GIPC1: variants seen among roughly 807,000 people sequenced by gnomAD.
GIPC1 encodes GIPC PDZ domain containing family member 1.
A neutral mutation model predicts 28.5 loss-of-function variants in GIPC1; 15 were observed. That is an observed-to-expected ratio of 0.53 (90% CI 0.35 to 0.81). GIPC1 has a LOEUF of 0.81. GIPC1 is among the 30% of genes least tolerant of loss of function. The probability of loss-of-function intolerance (pLI) is 0.01; values close to 1 mark genes in which losing one functional copy is unlikely to be tolerated. For missense variants in GIPC1, 439 were observed against 481.9 expected (o/e 0.91, Z 0.83); for synonymous variants, 224 against 206.1 (o/e 1.09, Z -0.74).
Position 14,482,843 on chromosome 19 carries a change from AT to A in GIPC1, c.133del (p.Met45TrpfsTer53). On this transcript the variant is annotated frameshift_variant, in exon 4 of 9. Transcript: ENST00000393033. LOFTEE classifies it high-confidence loss of function. Reference protein sequence around the residue: ...LGGGGSGGPQMGLPPPPPALR... With the variant: ...LGGGGSGGPQXGLPPPPPALR... The stretch of plus-strand genomic sequence containing the variant: ...GGCTGGGGGAGGGGGGGGCAAGCCC[AT>A]TTGGGGGCCCCCCGACCCACCTCCG... 1 of 1,574,488 alleles carries A rather than the reference AT, an allele frequency of 6.4e-7. No homozygotes were observed.
In GIPC1 at chr19:14,479,457, C is replaced by T. The variant is rs748705149; in HGVS notation, c.723G>A (p.Gly241=). 40 of 1,435,012 alleles carry T rather than the reference C, an allele frequency of 2.8e-5. No individual in the cohort carries two copies. The highest frequency in any genetic ancestry group is 3.4e-5 in the Non-Finnish European group (37 of 1,095,712). The allele number at this position is 1,435,012 out of a possible 1,614,324, so 88.9% of individuals were successfully genotyped here. A position where few individuals can be genotyped will look rare whatever the true frequency, so the allele number is the denominator to read the frequency against. ...GSGPQLGTGR[G]TLRLRSRGPA... Reference sequence around the variant, plus strand: ...GGCCCCGGGATCGGAGCCGCAGGGTCCCTCGGCCAGTGCCCAGTTGTGGGC... The same window carrying T: ...GGCCCCGGGATCGGAGCCGCAGGGTTCCTCGGCCAGTGCCCAGTTGTGGGC... Residue 241 remains glycine (G), a synonymous_variant, in exon 7 of 9, where the codon GGG becomes GGA. Transcript: ENST00000393033.
Position 14,478,892 on chromosome 19 carries a change from G to A in GIPC1, c.769-127C>T. The A allele has an allele frequency of 1.3e-6, 1 of 767,670 alleles. No homozygotes were observed. Among genetic ancestry groups the A allele is most frequent in the South Asian group, 1.6e-5 (1 of 63,908 alleles). 47.6% of individuals were successfully genotyped at this position (767,670 alleles called of 1,614,324 possible). A position where few individuals can be genotyped will look rare whatever the true frequency, so the allele number is the denominator to read the frequency against. On this transcript the variant is annotated intron_variant, in intron 7 of 8. Coordinates refer to ENST00000393033, the MANE Select transcript of GIPC1 (RefSeq NM_005716.4). The surrounding 1 kb of genome is among the most constrained non-coding windows in gnomAD (Gnocchi z 5.2). The stretch of plus-strand genomic sequence containing the variant: ...GACCTCAGGACAACCCTGAGAAGGT[G>A]GTATCGGTGTTCAGCTCATCCCCAT...
chr19:14,493,451 C>A (rs1162663483), intron 1 of GIPC1, among the ~76,000 whole-genome samples: 2 of 151,612 alleles, frequency 1.3e-5, no homozygotes, highest in Non-Finnish European at 2.9e-5. Flanking sequence ...TGGCCTTGCC[C>A]ATCTCTCTCT....
chr19:14,488,775 C>CAA (rs931925798), intron 3 of GIPC1, among the ~76,000 whole-genome samples: 7 of 82,408 alleles, frequency 8.5e-5, no homozygotes, highest in Admixed American at 2.6e-4. Context: ...TCGGTCTAAA[C>CAA]AAAAAAAAAA....
Position 14,479,427 on chromosome 19 carries a change from G to C in GIPC1, c.753C>G (p.Ala251=). The part of the protein sequence containing the change: ...GTLRLRSRGP[A]TVEDLPSAFE... ...GAGCACTCACCAGATCCTCCACCGT[G>C]GCGGGGCCCCGGGATCGGAGCCGCA... Residue 251 remains alanine, a synonymous_variant, in exon 7 of 9, where the codon GCC becomes GCG. Coordinates refer to ENST00000393033, the MANE Select transcript of GIPC1 (RefSeq NM_005716.4). 1 of 1,411,350 alleles carries C rather than the reference G, an allele frequency of 7.1e-7. No individual in the cohort carries two copies. Among genetic ancestry groups the C allele is most frequent in the Admixed American group, 3.2e-5 (1 of 31,110 alleles). The allele number at this position is 1,411,350 out of a possible 1,614,324, so 87.4% of individuals were successfully genotyped here.
intron 2 of GIPC1, among the ~76,000 whole-genome samples, chr19:14,492,429 C>CCCG (rs2071993101): frequency 6.7e-6 from 1 of 148,638 alleles, no homozygotes; most frequent in African/African-American, 2.4e-5. Flanking sequence ...GCCTCAGCCT[C>CCCG]CCGAGTAGCT....
chr19:14,480,139 C>T (rs769342588), intron 6 of GIPC1, 166 bp downstream of exon 6: 59 of 632,688 alleles, frequency 9.3e-5, no homozygotes, highest in Non-Finnish European at 1.5e-4. Context: ...GGGCCAAGGG[C>T]CAGCACCCCG....
rs1300117748 is a variant in GIPC1, at chr19:14,485,702, T to TATATATAGAGAGAGAGAGAGAG, written c.-30-2697_-30-2696insCTCTCTCTCTCTCTCTATATAT. Among the ~76,000 whole-genome samples the TATATATAGAGAGAGAGAGAGAG allele has an allele frequency of 5.1e-5, 3 of 58,792 alleles. No individual in the cohort carries two copies. In the Admixed American group the frequency reaches 6.6e-4, roughly 13 times the overall value. The allele number at this position is 58,792 out of a possible 152,430, so 38.6% of individuals were successfully genotyped here. On this transcript the variant is annotated intron_variant, in intron 3 of 8. Transcript: ENST00000393033. ...ATAAACAAATATATATATATATATA[T>TATATATAGAGAGAGAGAGAGAG]AGAGAGAGAGAGAGAGAGAGAGAGA...
rs767910141 is a variant in GIPC1, at chr19:14,480,494, G to A, written c.475-9C>T. On this transcript the variant is annotated splice_polypyrimidine_tract_variant and intron_variant, in intron 5 of 8. Coordinates refer to ENST00000393033, the MANE Select transcript of GIPC1 (RefSeq NM_005716.4). ...CTGCCCTCCTTGATGCGCTGCGGGG[G>A]CGGGGAGTCATCAGCCCTTGGGGCT... The A allele has an allele frequency of 4.4e-6, 7 of 1,608,306 alleles. No individual in the cohort carries two copies. Among genetic ancestry groups the A allele is most frequent in the Non-Finnish European group, 6.0e-6 (7 of 1,176,034 alleles).
intron 3 of GIPC1, among the ~76,000 whole-genome samples, chr19:14,486,601 T>C (rs2071849178): frequency 6.6e-6 from 1 of 152,128 alleles, no homozygotes; most frequent in Admixed American, 6.6e-5. Flanking sequence ...GCAATGGAAG[T>C]GTAGCAGGAA....
intron 3 of GIPC1, among the ~76,000 whole-genome samples, chr19:14,485,702 T>TATAGAGAGAGAGAGAGAG (rs1300117748): frequency 1.7e-5 from 1 of 58,790 alleles, no homozygotes; most frequent in Non-Finnish European, 3.7e-5. Context: ...TATATATATA[T>TATAGAGAGAGAGAGAGAG]AGAGAGAGAG....
chr19:14,482,385 G>A, intron 4 of GIPC1: 1 of 509,436 alleles, frequency 2.0e-6, no homozygotes, highest in East Asian at 3.7e-5. Flanking sequence ...TGCCTGATGG[G>A]ATGTCAGCAT....
chr19:14,495,544 TAG>T (rs1417206620), intron 1 of GIPC1, among the ~76,000 whole-genome samples: 1 of 152,122 alleles, frequency 6.6e-6, no homozygotes, highest in Non-Finnish European at 1.5e-5. Flanking sequence ...ATGAGGTGTT[TAG>T]AGTCAATTAT....
intron 3 of GIPC1, among the ~76,000 whole-genome samples, chr19:14,483,793 T>C (rs377340494): frequency 1.4e-5 from 2 of 141,448 alleles, no homozygotes; most frequent in Non-Finnish European, 3.0e-5. Context: ...ATAATAATAA[T>C]AATAATACCA....
chr19:14,487,998 G>A (rs1341153038), intron 3 of GIPC1, among the ~76,000 whole-genome samples: 1 of 152,102 alleles, frequency 6.6e-6, no homozygotes, highest in East Asian at 1.9e-4. Context: ...ATTTTTAATA[G>A]TGATATGGAG....
rs148338626 is a variant in GIPC1 at position 14,491,329 on chromosome 19, G to A, written c.-31+327C>T. 3.0e-3 allele frequency among the ~76,000 whole-genome samples: 452 copies of A among 151,956 alleles called. 3 individuals are homozygous for A. The highest frequency in any genetic ancestry group is 0.01 in the African/African-American group (423 of 41,448). ...GCTGGAGTGCAATGGCGCGATCTCG[G>A]CTCACTGCAACCTCCACCTCCCAGG... On this transcript the variant is annotated intron_variant, in intron 3 of 8. Transcript: ENST00000393033.
At chr19:14,492,347 C>T (rs1484614517) in intron 2 of GIPC1, among the ~76,000 whole-genome samples, 1 of 151,520 alleles carries the variant, frequency 6.6e-6, no homozygotes, top group African/African-American at 2.4e-5. Context: ...CGCTCTGTTG[C>T]CCAGGCTGGA....
At chr19:14,488,659 G>C (rs1238419456) in intron 3 of GIPC1, among the ~76,000 whole-genome samples, 1 of 151,712 alleles carries the variant, frequency 6.6e-6, no homozygotes, top group African/African-American at 2.4e-5. Flanking sequence ...ACAAAAATTA[G>C]CTGGGCGTAG....
rs370004452 is a variant in GIPC1, at chr19:14,480,694, C to T, written c.373G>A (p.Ala125Thr). 1.9e-5 allele frequency: 31 copies of T among 1,613,966 alleles called. No individual in the cohort carries two copies. The highest frequency in any genetic ancestry group is 9.9e-5 in the South Asian group (9 of 91,096). ...GQIGLEDFIFAHVKGQRKEVE... is the reference protein window; with the variant it reads ...GQIGLEDFIFTHVKGQRKEVE... ...TCCTTGCGCTGCCCCTTCACGTGGG[C>T]GAAGATGAAGTCCTCCAGCCCGATC... Residue 125 changes from alanine to threonine, a missense_variant, in exon 5 of 9, where the codon GCC becomes ACC. Physicochemically the swap from Ala to Thr is moderately conservative, Grantham distance 58 (BLOSUM62 0). Coordinates refer to ENST00000393033, the MANE Select transcript of GIPC1 (RefSeq NM_005716.4).
Sources: gnomAD v4.1 joint callset for allele counts (sites outside exome capture counted in the v4.1 genomes callset) on GRCh38, gnomAD v4.1.1 for gene constraint, Gnocchi (gnomAD v3.1) non-coding constraint, MANE v1.5 for transcripts, NCBI Gene and HGNC (gene_info 2026-07-23, HGNC 2026-07-21) for gene names.